TET1: variants seen among roughly 807,000 people sequenced by gnomAD.
TET1 encodes the protein tet methylcytosine dioxygenase 1, also known as methylcytosine dioxygenase TET1.
A neutral mutation model predicts 148.7 loss-of-function variants in TET1; 13 were observed. That is an observed-to-expected ratio of 0.09 (90% confidence interval 0.06 to 0.14). The LOEUF (loss-of-function observed/expected upper bound fraction) is 0.14, where lower values mean the gene tolerates loss of function less well. TET1 is among the 10% of genes least tolerant of loss of function. TET1 has a pLI of 1.00. For missense variants in TET1, 2,182 were observed against 2,553.8 expected (o/e 0.85, Z 3.14); for synonymous variants, 907 against 937.2 (o/e 0.97, Z 0.59).
At chr10:68,631,192 C>G (rs1473938449) in intron 3 of TET1, among the ~76,000 whole-genome samples, 1 of 152,116 alleles carries the variant, frequency 6.6e-6, no homozygotes, top group Non-Finnish European at 1.5e-5. Context: ...CAAAACAAAA[C>G]AAAAGAAATA....
intron 3 of TET1, among the ~76,000 whole-genome samples, chr10:68,620,023 G>A (rs375700236): frequency 2.4e-4 from 37 of 152,082 alleles, no homozygotes; most frequent in East Asian, 1.2e-3. Flanking sequence ...TGAAACCCCC[G>A]TCTCTACTAA....
At position 68,645,353 on chromosome 10, in the gene TET1, C is replaced by T. The variant is rs2054826223; in HGVS notation, c.2624C>T (p.Pro875Leu). ...KEPKDGSPVQ[P>L]SLLSLMKDRR... ...CCAAAAGATGGATCTCCCGTTCAAC[C>T]AAGTCTCTTATCGTTAATGAAAGAT... Residue 875 changes from proline (P) to leucine (L), a missense_variant, in exon 4 of 12, where the codon CCA (proline) becomes CTA (leucine). Coordinates refer to ENST00000373644, the MANE Select transcript of TET1 (RefSeq NM_030625.3). The T allele has an allele frequency of 1.9e-6, 3 of 1,613,992 alleles. No homozygotes were observed. The highest frequency in any genetic ancestry group is 2.5e-6 in the Non-Finnish European group (3 of 1,180,040).
chr10:68,576,662 CA>C (rs1398237559), intron 2 of TET1, among the ~76,000 whole-genome samples: 1 of 152,072 alleles, frequency 6.6e-6, no homozygotes, highest in East Asian at 1.9e-4. Flanking sequence ...GACCCTGTCT[CA>C]AAAATAAATA....
Position 68,573,155 on chromosome 10 carries a change from T to C in TET1, c.817T>C (p.Leu273=). ...QGNPSIQLEE[L]GSRVESLKLS... is the part of the protein sequence containing the mutation. ...AAACCCCAGCATTCAGTTAGAAGAG[T>C]TGGGTTCACGAGTAGAATCTCTTAA... Residue 273 remains leucine, a synonymous_variant, in exon 2 of 12, where the codon TTG becomes CTG. Transcript: ENST00000373644. The C allele has an allele frequency of 6.2e-7, 1 of 1,614,048 alleles. No individual in the cohort carries two copies. The highest frequency in any genetic ancestry group is 1.1e-5 in the South Asian group (1 of 91,068).
At chr10:68,632,851 A>G (rs906560453) in intron 3 of TET1, 37 of 694,932 alleles carry the variant, frequency 5.3e-5, no homozygotes, top group East Asian at 2.2e-4. Flanking sequence ...AAAAAAAAAA[A>G]AGAAAGAAAA....
At chr10:68,564,285 A>C (rs1009178565) in intron 1 of TET1, among the ~76,000 whole-genome samples, 4 of 151,182 alleles carry the variant, frequency 2.6e-5, no homozygotes, top group Non-Finnish European at 4.4e-5. Context: ...AGTAGCTAGG[A>C]TTACGGGCAT....
intron 1 of TET1, among the ~76,000 whole-genome samples, chr10:68,570,721 C>A (rs192897459): frequency 0.018 from 2,662 of 151,708 alleles, 48 homozygotes; most frequent in Non-Finnish European, 0.028. Context: ...GCTCCGCCTC[C>A]CGGGTTCACG....
intron 4 of TET1, among the ~76,000 whole-genome samples, chr10:68,651,593 C>G (rs1483710080): frequency 6.6e-6 from 1 of 151,634 alleles, no homozygotes; most frequent in East Asian, 1.9e-4. Context: ...AAATATGACC[C>G]ACATCTTAAA....
intron 3 of TET1, among the ~76,000 whole-genome samples, chr10:68,641,471 CATTT>C (rs35059085): frequency 0.89 from 131,555 of 148,270 alleles, 58,954 homozygotes; most frequent in East Asian, 0.97. Context: ...AGGAGGTTAC[CATTT>C]ATTTATTTAT....
intron 6 of TET1, among the ~76,000 whole-genome samples, chr10:68,659,128 G>A (rs1045144249): frequency 1.3e-5 from 2 of 152,164 alleles, no homozygotes; most frequent in Non-Finnish European, 2.9e-5. Context: ...TCAGGAGGCT[G>A]AGGCAGGAGT....
intron 3 of TET1, among the ~76,000 whole-genome samples, chr10:68,603,055 T>C (rs2054078993): frequency 6.6e-6 from 1 of 152,154 alleles, no homozygotes; most frequent in Non-Finnish European, 1.5e-5. Flanking sequence ...GGGAGAGGAA[T>C]ACAACTGTCA....
At position 68,573,996 on chromosome 10, in the gene TET1, C is replaced by T; in HGVS notation, c.1658C>T (p.Thr553Ile). ...AGCTCCCAGGTCAGTGTAACCAGCA[C>T]AGTTCATGTTGTCAACACCACAGTG... ...RGSSQVSVTSTVHVVNTTVVT... is the reference protein window; with the variant it reads ...RGSSQVSVTSIVHVVNTTVVT... The change falls in exon 2 of 12, where the codon ACA (threonine) becomes ATA (isoleucine). Residue 553 changes from threonine to isoleucine, a missense_variant. Transcript: ENST00000373644. The T allele has an allele frequency of 2.5e-6, 4 of 1,614,170 alleles. No homozygotes were observed. The highest frequency in any genetic ancestry group is 3.4e-6 in the Non-Finnish European group (4 of 1,180,032).
intron 2 of TET1, 132 bp downstream of exon 2, chr10:68,574,384 G>A (rs2053705205): frequency 1.4e-6 from 1 of 740,526 alleles, no homozygotes. Flanking sequence ...TTTTACTTTG[G>A]TACAATGTTA....
chr10:68,623,398 AG>A (rs2132980592), intron 3 of TET1, among the ~76,000 whole-genome samples: 1 of 152,318 alleles, frequency 6.6e-6, no homozygotes, highest in South Asian at 2.1e-4. Flanking sequence ...GTTGGATAGA[AG>A]GGAGGAGGAA....
intron 2 of TET1, among the ~76,000 whole-genome samples, chr10:68,588,961 A>G (rs2053889742): frequency 6.6e-6 from 1 of 151,986 alleles, no homozygotes; most frequent in Non-Finnish European, 1.5e-5. Context: ...CATCTCTACA[A>G]AAAATGCAGG....
intron 3 of TET1, among the ~76,000 whole-genome samples, chr10:68,607,045 A>G (rs2054134300): frequency 6.6e-6 from 1 of 152,112 alleles, no homozygotes; most frequent in Non-Finnish European, 1.5e-5. Context: ...TGCAGCATGT[A>G]TATTTCCAGT....
chr10:68,593,461 A>G (rs2053942392), intron 2 of TET1, among the ~76,000 whole-genome samples: 1 of 151,924 alleles, frequency 6.6e-6, no homozygotes, highest in South Asian at 2.1e-4. Context: ...TTCACTTTTT[A>G]TGATGGAGTC....
intron 7 of TET1, 93 bp from the exon 8 acceptor site, chr10:68,672,802 A>C (rs2055293850): frequency 3.8e-6 from 4 of 1,041,074 alleles, no homozygotes; most frequent in Non-Finnish European, 4.1e-6. Context: ...TTCTTTAGGC[A>C]TCCATCCTTC....
In TET1 at chr10:68,691,626, A is replaced by G. The variant is rs183627556; in HGVS notation, c.6223A>G (p.Asn2075Asp). ...KIKFEAKEAK[N>D]KKMKASEQKD... ...TAAGTTTGAGGCTAAAGAAGCTAAG[A>G]ATAAGAAAATGAAGGCCTCAGAGCA... Residue 2075 changes from asparagine to aspartate, a missense_variant, in exon 12 of 12, where the codon AAT becomes GAT. Asn to Asp is a conservative substitution (Grantham distance 23). Around this residue, in one of 11 missense-constraint regions of TET1, gnomAD observed 54 missense variants for 44.4 expected, o/e 1.22. Coordinates refer to ENST00000373644, the MANE Select transcript of TET1 (RefSeq NM_030625.3). This position sits in a 1 kb window ranked among gnomAD's most constrained non-coding sequence, Gnocchi z 4.4. 7 of 1,614,218 alleles carry G rather than the reference A, an allele frequency of 4.3e-6. No individual in the cohort carries two copies. Among genetic ancestry groups the G allele is most frequent in the African/African-American group, 1.3e-5 (1 of 75,030 alleles).
Sources: gnomAD v4.1 joint callset for allele counts (sites outside exome capture counted in the v4.1 genomes callset) on GRCh38, gnomAD v4.1.1 for gene constraint, gnomAD v4.1.1 regional missense constraint, Gnocchi (gnomAD v3.1) non-coding constraint, MANE v1.5 for transcripts, NCBI Gene and HGNC (gene_info 2026-07-23, HGNC 2026-07-21) for gene names.